The following FAM228B variants were observed in gnomAD, a reference collection of about 807,000 sequenced individuals.
FAM228B encodes protein FAM228B.
A neutral mutation model predicts 42.6 loss-of-function variants in FAM228B; 38 were observed. That is an observed-to-expected ratio of 0.89 (90% CI 0.69 to 1.17). FAM228B has a LOEUF of 1.17. Among genes scored for constraint, FAM228B ranks in the 50% most tolerant of loss-of-function variants. FAM228B has a pLI of 0.00. For synonymous variants in FAM228B, 109 were observed against 122.3 expected, an observed-to-expected ratio of 0.89 and a Z score of 0.72; for missense variants, 344 against 367.3, an observed-to-expected ratio of 0.94 and a Z score of 0.52.
rs1202070867 is a variant in FAM228B, at chr2:24,164,522, C to T, written c.932+187C>T. Reference sequence around the variant, plus strand: ...GAGGGAATGGAGAGGGCTGCCCTGGCCCCCTGGTGGAGTCACACGATGAGG... The same window carrying T: ...GAGGGAATGGAGAGGGCTGCCCTGGTCCCCTGGTGGAGTCACACGATGAGG... On this transcript the variant is annotated intron_variant, in intron 9 of 10. Coordinates refer to ENST00000615575, the MANE Select transcript of FAM228B (RefSeq NM_001145710.2). Among the ~76,000 whole-genome samples, 4 of 149,958 alleles carry T rather than the reference C, an allele frequency of 2.7e-5. No individual in the cohort carries two copies. The East Asian group carries it at 6.0e-4, about 23-fold the overall frequency.
intron 5 of FAM228B, chr2:24,142,555 G>A (rs1472227042): frequency 3.3e-5 from 5 of 152,224 alleles, no homozygotes; most frequent in Non-Finnish European, 7.3e-5. Flanking sequence ...AAATATGGAT[G>A]ATTGCTTGAA....
At chr2:24,131,685 C>T (rs889528438) in intron 2 of FAM228B, among the ~76,000 whole-genome samples, 18 of 152,132 alleles carry the variant, frequency 1.2e-4, no homozygotes, top group African/African-American at 3.6e-4. Flanking sequence ...ATTTTGTATT[C>T]GGAGGCTTTG....
chr2:24,156,774 GCC>G lies in FAM228B; in HGVS notation c.687-4720_687-4719del, dbSNP rs370569150. Among the ~76,000 whole-genome samples the G allele has an allele frequency of 6.8e-3, 77 of 11,368 alleles. 2 individuals are homozygous for G. The highest frequency in any genetic ancestry group is 8.1e-3 in the African/African-American group (76 of 9,360). 7.5% of individuals were successfully genotyped at this position (11,368 alleles called of 152,430 possible). ...CAGACACTGTTATACATTTCTTTCC[GCC>G]CCCCCCCCCCCAGCTTTTTGTTTCA... On this transcript the variant is annotated intron_variant, in intron 7 of 10. Coordinates refer to ENST00000615575, the MANE Select transcript of FAM228B (RefSeq NM_001145710.2).
At chr2:24,118,060 A>G (rs1324417592) in intron 3 of FAM228B, among the ~76,000 whole-genome samples, 1 of 152,204 alleles carries the variant, frequency 6.6e-6, no homozygotes, top group Non-Finnish European at 1.5e-5. Flanking sequence ...CATGACCTAC[A>G]TTACAGTAGT....
chr2:24,133,812 T>C (rs1315343757), intron 2 of FAM228B, among the ~76,000 whole-genome samples: 3 of 152,188 alleles, frequency 2.0e-5, no homozygotes, highest in African/African-American at 7.2e-5. Flanking sequence ...TTTGGGAGGC[T>C]GAGGTAGAAG....
chr2:24,079,475 A>C (rs780372348), intron 1 of FAM228B: 2 of 1,614,056 alleles, frequency 1.2e-6, no homozygotes, highest in Admixed American at 3.3e-5. Flanking sequence ...CAAACTGGTG[A>C]TCAGACTTCC....
At chr2:24,158,215 C>CTTTTTTTTTTTTTTTTTTTA in intron 7 of FAM228B, among the ~76,000 whole-genome samples, 1 of 9,180 alleles carries the variant, frequency 1.1e-4, no homozygotes, top group African/African-American at 5.5e-4. Flanking sequence ...TTTTTTTTTC[C>CTTTTTTTTTTTTTTTTTTTA]AAAACATTGT....
intron 3 of FAM228B, among the ~76,000 whole-genome samples, chr2:24,116,605 A>G (rs1665926219): frequency 6.6e-6 from 1 of 152,174 alleles, no homozygotes; most frequent in Admixed American, 6.5e-5. Flanking sequence ...CTATAATCCC[A>G]GCACTTTGGG....
At chr2:24,167,009 A>G in intron 9 of FAM228B, among the ~76,000 whole-genome samples, 1 of 152,152 alleles carries the variant, frequency 6.6e-6, no homozygotes, top group Non-Finnish European at 1.5e-5. Flanking sequence ...TTGGGGTTAC[A>G]GGCCGGGAAA....
intron 7 of FAM228B, among the ~76,000 whole-genome samples, chr2:24,152,663 T>C (rs959670142): frequency 6.6e-6 from 1 of 152,218 alleles, no homozygotes; most frequent in Non-Finnish European, 1.5e-5. Context: ...CACCTGGAGC[T>C]GGGGGTGTCA....
chr2:24,139,525 T>G lies in FAM228B; in HGVS notation c.441+75T>G, dbSNP rs976569562. ...TTGAGCAGCCCTAATATATGAGCAG[T>G]CCTTAAGCGATTCCCTAAAAGTGCA... On this transcript the variant is annotated intron_variant, in intron 5 of 10. Transcript: ENST00000615575. 1.9e-5 allele frequency: 14 copies of G among 747,498 alleles called. No homozygotes were observed. The East Asian group carries it at 3.7e-4, about 20-fold the overall frequency. 46.3% of individuals were successfully genotyped at this position (747,498 alleles called of 1,614,324 possible). A position where few individuals can be genotyped will look rare whatever the true frequency, so the allele number is the denominator to read the frequency against.
chr2:24,166,426 A>G (rs762286987), intron 9 of FAM228B: 2 of 152,034 alleles, frequency 1.3e-5, no homozygotes, highest in Non-Finnish European at 2.9e-5. Flanking sequence ...TTACTCATTC[A>G]TGAAAATTTA....
chr2:24,091,500 G>A (rs1573731205), intron 2 of FAM228B, among the ~76,000 whole-genome samples: 1 of 152,132 alleles, frequency 6.6e-6, no homozygotes, highest in African/African-American at 2.4e-5. Context: ...TAAAAATGAA[G>A]CAAACATTTT....
chr2:24,151,147 C>T (rs1667011494), intron 7 of FAM228B, among the ~76,000 whole-genome samples: 2 of 151,978 alleles, frequency 1.3e-5, no homozygotes, highest in African/African-American at 4.8e-5. Context: ...CTCTGAATGT[C>T]TATTTTCAAA....
chr2:24,086,489 CTCCCTCCTTCCTTCCTTCCCTCCT>C (rs1281041692), intron 2 of FAM228B, among the ~76,000 whole-genome samples: 22 of 151,788 alleles, frequency 1.4e-4, no homozygotes, highest in Non-Finnish European at 2.6e-4. Flanking sequence ...CTCTCCCTCC[CTCCCTCCTTCCTTCCTTCCCTCCT>C]TCCCCACCCC....
At chr2:24,153,090 A>G (rs771924048) in intron 7 of FAM228B, among the ~76,000 whole-genome samples, 2 of 152,050 alleles carry the variant, frequency 1.3e-5, no homozygotes. Flanking sequence ...CTTCAGGGCA[A>G]TGGACTCCCA....
rs1665179666 is a variant in FAM228B, at chr2:24,084,627, G to A, written c.-210+3672G>A. 4 of 335,026 alleles carry A rather than the reference G, an allele frequency of 1.2e-5. No individual in the cohort carries two copies. In the South Asian group the frequency reaches 2.6e-4, roughly 22 times the overall value. The allele number at this position is 335,026 out of a possible 1,614,324, so 20.8% of individuals were successfully genotyped here. ...GGGATGGCGGTACAGGGCTGGATGC[G>A]GCAGAGCAGGACAACGCCGAAGAGG... On this transcript the variant is annotated intron_variant, in intron 2 of 10. Transcript: ENST00000613899. This position sits in a 1 kb window ranked among gnomAD's most constrained non-coding sequence, Gnocchi z 8.4.
At chr2:24,086,974 T>C (rs1665272282) in intron 2 of FAM228B, among the ~76,000 whole-genome samples, 1 of 152,148 alleles carries the variant, frequency 6.6e-6, no homozygotes, top group East Asian at 1.9e-4. Context: ...TGGATTAAGA[T>C]AGATGAGGAA....
chr2:24,129,186 C>T (rs561817916), intron 2 of FAM228B, among the ~76,000 whole-genome samples: 1 of 152,288 alleles, frequency 6.6e-6, no homozygotes, highest in Non-Finnish European at 1.5e-5. Flanking sequence ...CTCCAGACTC[C>T]CATCCCCACT....
Sources: allele counts gnomAD v4.1 joint callset (sites outside exome capture counted in the v4.1 genomes callset), GRCh38; gene constraint gnomAD v4.1.1; non-coding constraint Gnocchi (gnomAD v3.1); transcripts MANE v1.5; gene names NCBI Gene and HGNC (gene_info 2026-07-23, HGNC 2026-07-21).